RPS6KC1: variants seen among roughly 807,000 people sequenced by gnomAD.
RPS6KC1 encodes the protein ribosomal protein S6 kinase C1.
In RPS6KC1, 54 loss-of-function variants were observed where a neutral mutation model predicts 103.8. The ratio of observed to expected loss-of-function variants is 0.52; its 90% CI spans 0.42 to 0.65. The LOEUF (loss-of-function observed/expected upper bound fraction) is 0.65, where lower values mean the gene tolerates loss of function less well. Among genes scored for constraint, RPS6KC1 ranks in the 30% least tolerant of loss-of-function variants. The pLI is 0.00. For synonymous variants in RPS6KC1, 439 were observed against 438.7 expected (o/e 1.00, Z -0.01); for missense variants, 1,151 against 1,253.8 (o/e 0.92, Z 1.24).
At chr1:213,389,534 C>T in the RPS6KC1 span, among the ~76,000 whole-genome samples, 7 of 152,172 alleles carry the variant, frequency 4.6e-5, no homozygotes, top group African/African-American at 1.4e-4. Context: ...ATGGCTGTCT[C>T]GCGTCTGCAT....
the RPS6KC1 span, among the ~76,000 whole-genome samples, chr1:213,728,802 A>G: frequency 6.6e-6 from 1 of 152,078 alleles, no homozygotes; most frequent in Admixed American, 6.5e-5. Flanking sequence ...GGCTTTCCAT[A>G]TAGGTCACAG....
the RPS6KC1 span, among the ~76,000 whole-genome samples, chr1:213,797,253 A>G: frequency 3.2e-4 from 49 of 152,260 alleles, no homozygotes; most frequent in African/African-American, 1.1e-3. Context: ...AATTTGAAGT[A>G]AACTGTTTCA....
At chr1:213,084,556 A>G (rs2080208824) in intron 3 of RPS6KC1, among the ~76,000 whole-genome samples, 1 of 152,204 alleles carries the variant, frequency 6.6e-6, no homozygotes, top group Admixed American at 6.5e-5. Flanking sequence ...TCAGTTATCA[A>G]TTTGAGTAAA....
the RPS6KC1 span, among the ~76,000 whole-genome samples, chr1:213,685,826 A>C: frequency 6.6e-6 from 1 of 152,222 alleles, no homozygotes; most frequent in Non-Finnish European, 1.5e-5. Flanking sequence ...TTGAAAAATA[A>C]ATAAAAATAA....
chr1:213,647,247 G>T, the RPS6KC1 span, among the ~76,000 whole-genome samples: 43 of 152,204 alleles, frequency 2.8e-4, no homozygotes, highest in South Asian at 2.9e-3. Context: ...ATTTGAAGGA[G>T]GTTGACTTTA....
chr1:213,185,523 C>T (rs979725549), intron 8 of RPS6KC1, among the ~76,000 whole-genome samples: 1 of 152,072 alleles, frequency 6.6e-6, no homozygotes, highest in Non-Finnish European at 1.5e-5. Context: ...TGGTCCATGC[C>T]TGTAATCCCA....
At chr1:213,815,741 T>G in the RPS6KC1 span, among the ~76,000 whole-genome samples, 52 of 152,336 alleles carry the variant, frequency 3.4e-4, no homozygotes, top group South Asian at 0.011. Context: ...CTGTTTTGCT[T>G]TCTTATCATT....
the RPS6KC1 span, among the ~76,000 whole-genome samples, chr1:213,776,247 A>G: frequency 6.6e-6 from 1 of 152,168 alleles, no homozygotes; most frequent in South Asian, 2.1e-4. Flanking sequence ...AACATTTTTA[A>G]TGGACTTTTC....
chr1:213,352,220 G>A, the RPS6KC1 span, among the ~76,000 whole-genome samples: 1 of 152,102 alleles, frequency 6.6e-6, no homozygotes, highest in Admixed American at 6.6e-5. Flanking sequence ...TCATTGATGA[G>A]CAAAACAGAA....
downstream of RPS6KC1, among the ~76,000 whole-genome samples, chr1:213,278,129 C>T (rs751549031): frequency 2.6e-5 from 4 of 151,596 alleles, no homozygotes; most frequent in African/African-American, 4.9e-5. Flanking sequence ...TCCTTGAGCC[C>T]GGGAGGTCAA....
the RPS6KC1 span, among the ~76,000 whole-genome samples, chr1:213,337,624 G>A: frequency 6.6e-6 from 1 of 152,174 alleles, no homozygotes; most frequent in Non-Finnish European, 1.5e-5. Context: ...GTATCTCATG[G>A]TCACTGTGGT....
chr1:213,741,724 G>A, the RPS6KC1 span, among the ~76,000 whole-genome samples: 4 of 151,966 alleles, frequency 2.6e-5, no homozygotes, highest in Non-Finnish European at 4.4e-5. Flanking sequence ...TGGTGCCTCC[G>A]CCCTTCTCTC....
chr1:213,576,552 ATTGT>A, the RPS6KC1 span, among the ~76,000 whole-genome samples: 5 of 152,018 alleles, frequency 3.3e-5, no homozygotes, highest in Middle Eastern at 3.2e-3. Flanking sequence ...TACTATTGTA[ATTGT>A]TTGGGGACAC....
At chr1:213,779,406 A>G in the RPS6KC1 span, among the ~76,000 whole-genome samples, 1 of 152,236 alleles carries the variant, frequency 6.6e-6, no homozygotes, top group Admixed American at 6.5e-5. Context: ...CTCAGGTATG[A>G]CACACCCAGT....
At chr1:213,254,823 A>G (rs2094606125) in intron 12 of RPS6KC1, among the ~76,000 whole-genome samples, 1 of 152,180 alleles carries the variant, frequency 6.6e-6, no homozygotes, top group Non-Finnish European at 1.5e-5. Context: ...ATGTTTCTTA[A>G]TGCCTGTAGT....
the RPS6KC1 span, among the ~76,000 whole-genome samples, chr1:213,493,049 A>G: frequency 6.6e-6 from 1 of 152,228 alleles, no homozygotes; most frequent in East Asian, 1.9e-4. Context: ...TGGAGGTCTA[A>G]AATGCAAGAG....
At chr1:213,705,348 C>T in the RPS6KC1 span, among the ~76,000 whole-genome samples, 1 of 152,242 alleles carries the variant, frequency 6.6e-6, no homozygotes, top group African/African-American at 2.4e-5. Flanking sequence ...GTAGTACTTT[C>T]CACTCTTCCA....
chr1:213,860,813 T>C, the RPS6KC1 span, among the ~76,000 whole-genome samples: 1 of 146,020 alleles, frequency 6.8e-6, no homozygotes, highest in African/African-American at 2.8e-5. Flanking sequence ...CTTTTTCTTT[T>C]CTTTTTTTTT....
At chr1:213,558,102 C>A in the RPS6KC1 span, among the ~76,000 whole-genome samples, 1 of 152,328 alleles carries the variant, frequency 6.6e-6, no homozygotes, top group East Asian at 1.9e-4. Context: ...GCTTCCTTTT[C>A]TTCCCTTTCT....
Sources: gnomAD v4.1 joint callset for allele counts (sites outside exome capture counted in the v4.1 genomes callset) on GRCh38, gnomAD v4.1.1 for gene constraint, MANE v1.5 for transcripts, NCBI Gene and HGNC (gene_info 2026-07-23, HGNC 2026-07-21) for gene names.